The following SUFU variants were observed in gnomAD, a reference collection of about 807,000 sequenced individuals.
The protein encoded by SUFU is SUFU negative regulator of hedgehog signaling.
A neutral mutation model predicts 58.9 loss-of-function variants in SUFU; 7 were observed. The ratio of observed to expected loss-of-function variants is 0.12; its 90% CI spans 0.07 to 0.22. SUFU has a LOEUF of 0.22. SUFU is among the 10% of genes least tolerant of loss of function. SUFU has a pLI of 1.00. For synonymous variants in SUFU, 232 were observed against 254.8 expected (o/e 0.91, Z 0.85); for missense variants, 451 against 641.3 (o/e 0.70, Z 3.20).
chr10:102,597,382 CA>C, intron 7 of SUFU, 89 bp downstream of exon 7: 2 of 1,460,524 alleles, frequency 1.4e-6, no homozygotes, highest in South Asian at 1.3e-5. Flanking sequence ...GGGTCTCTAA[CA>C]AAAACAACCC....
At chr10:102,596,428 C>G (rs77799815) in intron 6 of SUFU, among the ~76,000 whole-genome samples, 1,793 of 152,264 alleles carry the variant, frequency 0.012, 16 homozygotes, top group Non-Finnish European at 0.015. Context: ...AGTGTTTGTA[C>G]TCAGCAGTAC....
rs141649750 is a variant in SUFU, at chr10:102,531,046, C to T, written c.318-18924C>T. On this transcript the variant is annotated intron_variant, in intron 2 of 11. Transcript: ENST00000369902. ...TGAGCCCAGAAGTTTGAGACCAGTC[C>T]AGGCAACATAGCAATACCCCATAAC... Among the ~76,000 whole-genome samples the T allele has an allele frequency of 4.4e-3, 629 of 142,572 alleles. 4 individuals are homozygous for T. The highest frequency in any genetic ancestry group is 0.016 in the African/African-American group (588 of 37,670). The allele number at this position is 142,572 out of a possible 152,430, so 93.5% of individuals were successfully genotyped here.
At chr10:102,551,954 T>G (rs1458448250) in intron 3 of SUFU, among the ~76,000 whole-genome samples, 1 of 151,778 alleles carries the variant, frequency 6.6e-6, no homozygotes, top group Non-Finnish European at 1.5e-5. Context: ...CTCGATCTCC[T>G]GACCTCGTGA....
intron 2 of SUFU, among the ~76,000 whole-genome samples, chr10:102,527,301 C>T (rs1439215631): frequency 2.0e-5 from 3 of 151,700 alleles, no homozygotes; most frequent in East Asian, 1.9e-4. Flanking sequence ...CGCGCCCGGC[C>T]GACATTCAAT....
chr10:102,612,804 G>A (rs554350501), intron 8 of SUFU, among the ~76,000 whole-genome samples: 1 of 152,160 alleles, frequency 6.6e-6, no homozygotes, highest in Non-Finnish European at 1.5e-5. Flanking sequence ...CCTTCGGCTC[G>A]TCACCTCACC....
intron 1 of SUFU, among the ~76,000 whole-genome samples, chr10:102,507,438 C>T (rs2062341025): frequency 6.6e-6 from 1 of 152,196 alleles, no homozygotes; most frequent in Admixed American, 6.5e-5. Flanking sequence ...CTACTCTTTT[C>T]TTTCTTCCCT....
Position 102,506,039 on chromosome 10 carries a change from GAAAAAAAAAA to G in SUFU, c.182+1723_182+1732del, listed in dbSNP as rs1170831161. On this transcript the variant is annotated intron_variant, in intron 1 of 11. Coordinates refer to ENST00000369902, the MANE Select transcript of SUFU (RefSeq NM_016169.4). ...TAGCCAGACCCTAACTCTGTTATTT[GAAAAAAAAAA>G]AAAAAAAAAAAAAAAAAGAAGTGGG... Among the ~76,000 whole-genome samples the G allele has an allele frequency of 3.4e-3, 289 of 84,216 alleles. 2 individuals are homozygous for G. The highest frequency in any genetic ancestry group is 0.011 in the African/African-American group (256 of 23,630). The allele number at this position is 84,216 out of a possible 152,430, so 55.2% of individuals were successfully genotyped here. A position where few individuals can be genotyped will look rare whatever the true frequency, so the allele number is the denominator to read the frequency against.
intron 2 of SUFU, among the ~76,000 whole-genome samples, chr10:102,537,550 T>C (rs1267017430): frequency 6.6e-6 from 1 of 152,178 alleles, no homozygotes. Context: ...CCTTAAACAA[T>C]AACTCCCCCT....
intron 10 of SUFU, among the ~76,000 whole-genome samples, chr10:102,621,649 C>T (rs920580138): frequency 5.3e-5 from 8 of 152,318 alleles, no homozygotes; most frequent in African/African-American, 9.6e-5. Flanking sequence ...CCACTGCCAT[C>T]GTGGGTGCCA....
rs1192978989 is a variant in SUFU, at chr10:102,625,791, C to G, written c.1297-1384C>G. Among the ~76,000 whole-genome samples, 1 of 152,188 alleles carries G rather than the reference C, an allele frequency of 6.6e-6. No individual in the cohort carries two copies. The highest frequency in any genetic ancestry group is 1.9e-4 in the East Asian group (1 of 5,192). On this transcript the variant is annotated intron_variant, in intron 10 of 11. Transcript: ENST00000369902. The surrounding 1 kb of genome is among the most constrained non-coding windows in gnomAD (Gnocchi z 4.7). ...CTTATTTCTCACTCCCTCCTCCACC[C>G]CGTCCACTTCTTGCTTTAGAGACCT...
In SUFU at chr10:102,550,093, C is replaced by T. The variant is rs201489422; in HGVS notation, c.441C>T (p.Tyr147=). The T allele has an allele frequency of 2.1e-5, 34 of 1,614,186 alleles. No homozygotes were observed. In the East Asian group the frequency reaches 3.6e-4, roughly 17 times the overall value. ...AGTTAATGCAGGGCTTGGCACGATACGTGTTCCAGTCAGGTAGGAGGCCAG... is the reference window on the plus strand; with the variant it reads ...AGTTAATGCAGGGCTTGGCACGATATGTGTTCCAGTCAGGTAGGAGGCCAG... The part of the protein sequence containing the change: ...PAELMQGLAR[Y]VFQSENTFCS... Residue 147 remains tyrosine, a synonymous_variant, in exon 3 of 12, where the codon TAC becomes TAT. Transcript: ENST00000369902.
At chr10:102,527,751 CT>C (rs1207675874) in intron 2 of SUFU, among the ~76,000 whole-genome samples, 1 of 151,068 alleles carries the variant, frequency 6.6e-6, no homozygotes, top group East Asian at 1.9e-4. Flanking sequence ...CCTTGGGGAA[CT>C]GAAATGCCAA....
Position 102,615,399 on chromosome 10 carries a change from T to C in SUFU, c.1154T>C (p.Leu385Pro), listed in dbSNP as rs761893182. 1 of 1,613,980 alleles carries C rather than the reference T, an allele frequency of 6.2e-7. No homozygotes were observed. Reference protein sequence around the residue: ...QESGALIPLCLRGRLLHGRHF... With the variant: ...QESGALIPLCPRGRLLHGRHF... ...TCCGGAGCCCTCATTCCTCTCTGCCTAAGGTGAGCGAGACAGCCCTGCCAC... is the reference window on the plus strand; with the variant it reads ...TCCGGAGCCCTCATTCCTCTCTGCCCAAGGTGAGCGAGACAGCCCTGCCAC... The change falls in exon 9 of 12, where the codon CTA becomes CCA. Residue 385 changes from leucine to proline, a missense_variant. Transcript: ENST00000369902.
chr10:102,513,876 G>T (rs921006406), intron 2 of SUFU, among the ~76,000 whole-genome samples: 1 of 151,986 alleles, frequency 6.6e-6, no homozygotes, highest in African/African-American at 2.4e-5. Flanking sequence ...TTTTTAAACT[G>T]ATATGAATTT....
chr10:102,555,361 C>G (rs1453261730), intron 3 of SUFU, among the ~76,000 whole-genome samples: 1 of 136,438 alleles, frequency 7.3e-6, no homozygotes, highest in Non-Finnish European at 1.5e-5. Context: ...CCCTACTTAA[C>G]AGCAAAACTG....
chr10:102,520,181 A>G (rs889513097), intron 2 of SUFU, among the ~76,000 whole-genome samples: 1 of 142,024 alleles, frequency 7.0e-6, no homozygotes, highest in Non-Finnish European at 1.5e-5. Context: ...CTTAGGCTTC[A>G]CTCTTTGTGT....
rs933615949 is a variant in SUFU at position 102,631,337 on chromosome 10, G to A, written c.*1182G>A. 2.1e-5 allele frequency: 5 copies of A among 233,176 alleles called. No homozygotes were observed. Among genetic ancestry groups the A allele is most frequent in the Admixed American group, 1.7e-4 (3 of 17,728 alleles). 14.4% of individuals were successfully genotyped at this position (233,176 alleles called of 1,614,324 possible). Reference sequence around the variant, plus strand: ...CCACTCCTAATCCCTCTCCTTTCTGGCATCCTGGCCTCTCGTGGTCCTCAG... The same window carrying A: ...CCACTCCTAATCCCTCTCCTTTCTGACATCCTGGCCTCTCGTGGTCCTCAG... On this transcript the variant is annotated 3_prime_UTR_variant, in exon 12 of 12. Transcript: ENST00000369902.
rs765293722 is a variant in SUFU, at chr10:102,617,455, C to T, written c.1296+27C>T. 3 of 1,614,140 alleles carry T rather than the reference C, an allele frequency of 1.9e-6. No individual in the cohort carries two copies. The highest frequency in any genetic ancestry group is 1.1e-5 in the South Asian group (1 of 91,086). ...TGAGAAGGCCCTTTTTCTTCTCCCT[C>T]CTTCCTTTCATAGACTTCCTTGCCC... is the stretch of plus-strand genomic sequence containing the variant. On this transcript the variant is annotated intron_variant, in intron 10 of 11. Coordinates refer to ENST00000369902, the MANE Select transcript of SUFU (RefSeq NM_016169.4). The surrounding 1 kb of genome is among the most constrained non-coding windows in gnomAD (Gnocchi z 4.4).
At chr10:102,505,440 T>C (rs1304307558) in intron 1 of SUFU, among the ~76,000 whole-genome samples, 4 of 152,152 alleles carry the variant, frequency 2.6e-5, no homozygotes, top group African/African-American at 9.7e-5. Context: ...CTTCAATGAG[T>C]CTTGAAAGAC....
Sources: allele counts gnomAD v4.1 joint callset (sites outside exome capture counted in the v4.1 genomes callset), GRCh38; gene constraint gnomAD v4.1.1; non-coding constraint Gnocchi (gnomAD v3.1); transcripts MANE v1.5; gene names NCBI Gene and HGNC (gene_info 2026-07-23, HGNC 2026-07-21).